Variants in TASP1 observed in about 807,000 individuals in gnomAD.
TASP1 encodes the protein taspase 1.
In TASP1, 16 loss-of-function variants were observed where a neutral mutation model predicts 56.6. That is an observed-to-expected ratio of 0.28 (90% CI 0.19 to 0.43). The LOEUF is 0.43. TASP1 is among the 20% of genes least tolerant of loss of function. The pLI is 1.00. For missense variants in TASP1, 393 were observed against 511.6 expected, an observed-to-expected ratio of 0.77 and a Z score of 2.24; for synonymous variants, 179 against 184.2, an observed-to-expected ratio of 0.97 and a Z score of 0.23.
chr20:13,509,774 G>A (rs770487295), intron 10 of TASP1, among the ~76,000 whole-genome samples: 16 of 152,032 alleles, frequency 1.1e-4, no homozygotes, highest in African/African-American at 2.2e-4. Context: ...CTACAGGCGC[G>A]CACCATCACG....
the TASP1 span, among the ~76,000 whole-genome samples, chr20:13,294,938 G>C: frequency 6.6e-6 from 1 of 152,178 alleles, no homozygotes; most frequent in African/African-American, 2.4e-5. Context: ...ATCCCAGGCT[G>C]TTTAGCATGC....
the TASP1 span, chr20:13,292,575 G>C: frequency 2.9e-6 from 2 of 697,152 alleles, no homozygotes; most frequent in African/African-American, 3.6e-5. Flanking sequence ...TCCTTTTCTG[G>C]GGTCCAGTGC....
chr20:13,238,729 C>T, the TASP1 span, among the ~76,000 whole-genome samples: 1 of 152,188 alleles, frequency 6.6e-6, no homozygotes, highest in Non-Finnish European at 1.5e-5. Context: ...TGGAGAAAGT[C>T]ACATCTACGA....
At chr20:13,608,421 T>A (rs1365418315) in intron 4 of TASP1, among the ~76,000 whole-genome samples, 2 of 152,240 alleles carry the variant, frequency 1.3e-5, no homozygotes, top group African/African-American at 4.8e-5. Flanking sequence ...AAATATTTAT[T>A]GGACACCATT....
the TASP1 span, among the ~76,000 whole-genome samples, chr20:13,201,655 T>C: frequency 4.0e-5 from 6 of 151,336 alleles, no homozygotes; most frequent in Non-Finnish European, 7.4e-5. Context: ...ATCATAAATA[T>C]AGGTTTAGTT....
the TASP1 span, among the ~76,000 whole-genome samples, chr20:13,360,032 T>G: frequency 2.0e-5 from 3 of 152,116 alleles, no homozygotes; most frequent in Admixed American, 2.0e-4. Context: ...CTCCTTACAA[T>G]TCCCCCATTT....
At chr20:13,482,172 G>C (rs904366276) in intron 11 of TASP1, among the ~76,000 whole-genome samples, 1 of 152,150 alleles carries the variant, frequency 6.6e-6, no homozygotes, top group African/African-American at 2.4e-5. Context: ...TTGTTGAAGA[G>C]AGTTTTCCAG....
chr20:13,302,906 G>T, the TASP1 span, among the ~76,000 whole-genome samples: 2 of 152,156 alleles, frequency 1.3e-5, no homozygotes, highest in African/African-American at 2.4e-5. Flanking sequence ...TAACCGCCAT[G>T]ATTATAGTCT....
chr20:13,369,165 G>T, the TASP1 span, among the ~76,000 whole-genome samples: 8 of 152,302 alleles, frequency 5.3e-5, no homozygotes, highest in African/African-American at 1.9e-4. Flanking sequence ...ATATTTAAGG[G>T]CTAGGTGCAA....
At chr20:13,161,012 G>A in the TASP1 span, among the ~76,000 whole-genome samples, 1 of 152,102 alleles carries the variant, frequency 6.6e-6, no homozygotes, top group Non-Finnish European at 1.5e-5. Flanking sequence ...GAACTGGAGA[G>A]GAAAGGGGCA....
intron 12 of TASP1, among the ~76,000 whole-genome samples, chr20:13,423,490 T>TA (rs541624701): frequency 1.2e-4 from 18 of 151,362 alleles, no homozygotes; most frequent in East Asian, 9.7e-4. Context: ...TGCTGCAGTT[T>TA]AAAAAAAAAC....
chr20:13,196,582 G>A, the TASP1 span, among the ~76,000 whole-genome samples: 6 of 152,080 alleles, frequency 3.9e-5, no homozygotes, highest in Non-Finnish European at 7.3e-5. Flanking sequence ...CTTCATATGT[G>A]CCATCTATGT....
chr20:13,459,245 A>G (rs1028908813), intron 11 of TASP1, among the ~76,000 whole-genome samples: 2 of 152,054 alleles, frequency 1.3e-5, no homozygotes, highest in Admixed American at 1.3e-4. Context: ...GTGATTTCCC[A>G]GTAACATCAC....
chr20:13,365,675 G>T, the TASP1 span, among the ~76,000 whole-genome samples: 1 of 152,210 alleles, frequency 6.6e-6, no homozygotes. Flanking sequence ...AAAAAGAGAG[G>T]GGAGAGGTGG....
the TASP1 span, among the ~76,000 whole-genome samples, chr20:13,249,584 C>T: frequency 9.8e-5 from 15 of 152,326 alleles, no homozygotes; most frequent in South Asian, 6.2e-4. Flanking sequence ...AAGGAAACCC[C>T]GCCAGGCTCT....
At chr20:13,553,666 C>G (rs758913990) in intron 8 of TASP1, among the ~76,000 whole-genome samples, 1 of 152,116 alleles carries the variant, frequency 6.6e-6, no homozygotes, top group Non-Finnish European at 1.5e-5. Flanking sequence ...ATCCTAAAAG[C>G]AGAGATAAAA....
the TASP1 span, chr20:13,221,741 G>T: frequency 7.4e-7 from 1 of 1,356,360 alleles, no homozygotes; most frequent in South Asian, 1.8e-5. Flanking sequence ...GCCGCCGGCC[G>T]CCGCGCCGGG....
chr20:13,360,696 C>A, the TASP1 span, among the ~76,000 whole-genome samples: 2 of 152,196 alleles, frequency 1.3e-5, no homozygotes, highest in African/African-American at 4.8e-5. Flanking sequence ...AATCTATTTT[C>A]TTCCTCATAC....
Position 13,394,362 on chromosome 20 carries a change from G to A in TASP1, c.1171-3910C>T, listed in dbSNP as rs371158876. On this transcript the variant is annotated intron_variant, in intron 13 of 13. Transcript: ENST00000337743. ...GCGGTAGCTCACGCCTGTAATCCCAGCACTTTGGGAGGCCAAGGCGGGCGG... is the reference window on the plus strand; with the variant it reads ...GCGGTAGCTCACGCCTGTAATCCCAACACTTTGGGAGGCCAAGGCGGGCGG... 4.3e-3 allele frequency among the ~76,000 whole-genome samples: 624 copies of A among 145,946 alleles called. 16 individuals are homozygous for A. The highest frequency in any genetic ancestry group is 0.015 in the African/African-American group (587 of 38,082).
Sources: allele counts gnomAD v4.1 joint callset (sites outside exome capture counted in the v4.1 genomes callset), GRCh38; gene constraint gnomAD v4.1.1; transcripts MANE v1.5; gene names NCBI Gene and HGNC (gene_info 2026-07-23, HGNC 2026-07-21).